The following DKK2 variants were observed in gnomAD, a reference collection of about 807,000 sequenced individuals.
The protein encoded by DKK2 is dickkopf Wnt signaling pathway inhibitor 2, also known as dickkopf-related protein 2.
Under a neutral mutation model 28.1 loss-of-function variants are expected in DKK2, and 11 were observed. The ratio of observed to expected loss-of-function variants is 0.39; its 90% CI spans 0.25 to 0.65. The LOEUF is 0.65. DKK2 is among the 30% of genes least tolerant of loss of function. DKK2 has a pLI of 0.47. For synonymous variants in DKK2, 135 were observed against 126.5 expected (o/e 1.07, Z -0.45); for missense variants, 326 against 335.5 (o/e 0.97, Z 0.22).
intron 1 of DKK2, among the ~76,000 whole-genome samples, chr4:107,007,482 T>C (rs1723454331): frequency 1.3e-5 from 2 of 152,192 alleles, no homozygotes. Flanking sequence ...TTAAAATAAA[T>C]ATATTTTGAA....
chr4:107,011,333 C>G (rs577237230), intron 1 of DKK2, among the ~76,000 whole-genome samples: 3 of 151,486 alleles, frequency 2.0e-5, no homozygotes, highest in Non-Finnish European at 3.0e-5. Context: ...TTCTGCGGAC[C>G]TAGAAAGCTC....
intron 1 of DKK2, among the ~76,000 whole-genome samples, chr4:106,973,245 T>G (rs1722895481): frequency 6.6e-6 from 1 of 152,214 alleles, no homozygotes; most frequent in African/African-American, 2.4e-5. Flanking sequence ...CCTTTGGGTA[T>G]ATACCCAGTA....
At chr4:107,034,405 T>C (rs1723929033) in intron 1 of DKK2, among the ~76,000 whole-genome samples, 1 of 151,740 alleles carries the variant, frequency 6.6e-6, no homozygotes, top group African/African-American at 2.4e-5. Flanking sequence ...GCTGTCATGA[T>C]TCCCAGTGCC....
chr4:106,935,817 C>T lies in DKK2; in HGVS notation c.223-9868G>A, dbSNP rs1430293792. On this transcript the variant is annotated intron_variant, in intron 1 of 3. Coordinates refer to ENST00000285311, the MANE Select transcript of DKK2 (RefSeq NM_014421.3). ...AAGTGGGTCTCTGAACCCTGACCCC[C>T]GAGCAGCCTAACTGGGAGGCACACC... 3.9e-5 allele frequency among the ~76,000 whole-genome samples: 6 copies of T among 152,196 alleles called. No individual in the cohort carries two copies. In the East Asian group the frequency reaches 7.7e-4, roughly 20 times the overall value.
Position 107,020,007 on chromosome 4 carries a change from T to TA in DKK2, c.222+15362dup, listed in dbSNP as rs1027859159. On this transcript the variant is annotated intron_variant, in intron 1 of 3. Coordinates refer to ENST00000285311, the MANE Select transcript of DKK2 (RefSeq NM_014421.3). ...TCTGACTCTCCCAGAAGTGGACATT[T>TA]AAAAAAAAAATTAGTGGTGAGGTTG... 2.9e-4 allele frequency among the ~76,000 whole-genome samples: 44 copies of TA among 150,636 alleles called. No homozygotes were observed. In the East Asian group the frequency reaches 3.7e-3, roughly 13 times the overall value.
At chr4:106,978,463 A>C (rs1480986375) in intron 1 of DKK2, among the ~76,000 whole-genome samples, 1 of 152,180 alleles carries the variant, frequency 6.6e-6, no homozygotes, top group Non-Finnish European at 1.5e-5. Context: ...CTAGAGAGGC[A>C]GTCTGACTAC....
Position 106,924,551 on chromosome 4 carries a change from T to C in DKK2, c.523A>G (p.Ile175Val). The part of the protein sequence containing the change: ...LGRPHTKMSH[I>V]KGHEGDPCLR... ...GAACTACAGATATCCCTACCTTTTA[T>C]ATGTGACATCTTAGTGTGTGGTCTT... Residue 175 changes from isoleucine to valine, a missense_variant, in exon 3 of 4, where the codon ATA (isoleucine) becomes GTA (valine). Ile to Val is a conservative substitution (Grantham distance 29, BLOSUM62 3). Transcript: ENST00000285311. 1 of 1,613,404 alleles carries C rather than the reference T, an allele frequency of 6.2e-7. No homozygotes were observed. The highest frequency in any genetic ancestry group is 2.2e-5 in the East Asian group (1 of 44,866).
Position 106,924,627 on chromosome 4 carries a change from A to G in DKK2, c.447T>C (p.Asp149=). The change falls in exon 3 of 4, where the codon GAT becomes GAC. Residue 149 remains aspartate (D), a synonymous_variant. Coordinates refer to ENST00000285311, the MANE Select transcript of DKK2 (RefSeq NM_014421.3). ...GGTTTGAGTAATGACCGTGGTTTCG[A>G]TCTCTGTGCCGAGTACCATCCAGAG... is the stretch of plus-strand genomic sequence containing the variant. The part of the protein sequence containing the change: ...IPALDGTRHR[D]RNHGHYSNHD... 6.2e-7 allele frequency: 1 copy of G among 1,613,928 alleles called. No individual in the cohort carries two copies. The highest frequency in any genetic ancestry group is 1.1e-5 in the South Asian group (1 of 91,086).
intron 1 of DKK2, among the ~76,000 whole-genome samples, chr4:106,988,067 T>C (rs1217691157): frequency 1.3e-5 from 2 of 152,156 alleles, no homozygotes; most frequent in Admixed American, 1.3e-4. Context: ...GGTTTCACCA[T>C]GTTAGCCAGG....
In DKK2 at chr4:106,990,561, G is replaced by A. The variant is rs990486699; in HGVS notation, c.222+44809C>T. Reference sequence around the variant, plus strand: ...TTGACTTATCAAAAATGAAAACCCTGATTTGCAGCATTTGCTCATTTCCAT... The same window carrying A: ...TTGACTTATCAAAAATGAAAACCCTAATTTGCAGCATTTGCTCATTTCCAT... On this transcript the variant is annotated intron_variant, in intron 1 of 3. Coordinates refer to ENST00000285311, the MANE Select transcript of DKK2 (RefSeq NM_014421.3). Among the ~76,000 whole-genome samples the A allele has an allele frequency of 3.3e-5, 5 of 152,148 alleles. No homozygotes were observed. In the East Asian group the frequency reaches 9.6e-4, roughly 29 times the overall value.
chr4:106,944,182 C>A (rs1324278820), intron 1 of DKK2, among the ~76,000 whole-genome samples: 4 of 152,032 alleles, frequency 2.6e-5, no homozygotes, highest in African/African-American at 7.2e-5. Flanking sequence ...ATATAGCAAC[C>A]AGTACCTAAC....
intron 1 of DKK2, among the ~76,000 whole-genome samples, chr4:106,941,045 A>C (rs1017494952): frequency 6.6e-6 from 1 of 152,142 alleles, no homozygotes; most frequent in Admixed American, 6.5e-5. Context: ...CCAGCATGGC[A>C]CATGTATACA....
chr4:106,981,962 A>T (rs907022691), intron 1 of DKK2, among the ~76,000 whole-genome samples: 7 of 152,190 alleles, frequency 4.6e-5, no homozygotes, highest in African/African-American at 1.7e-4. Flanking sequence ...TGATGCCTCA[A>T]ATATTTATGT....
intron 1 of DKK2, among the ~76,000 whole-genome samples, chr4:106,940,763 G>A (rs559757322): frequency 1.9e-4 from 29 of 152,154 alleles, no homozygotes; most frequent in African/African-American, 5.3e-4. Flanking sequence ...TATACACCAC[G>A]GAATACTATG....
intron 1 of DKK2, among the ~76,000 whole-genome samples, chr4:106,949,110 A>G (rs911838219): frequency 9.2e-5 from 14 of 152,172 alleles, no homozygotes; most frequent in Non-Finnish European, 1.2e-4. Flanking sequence ...ACATCTGCCT[A>G]CCAGATCTGT....
intron 1 of DKK2, among the ~76,000 whole-genome samples, chr4:106,983,180 T>C (rs1416554440): frequency 6.6e-6 from 1 of 151,828 alleles, no homozygotes; most frequent in Non-Finnish European, 1.5e-5. Context: ...AATATTTATG[T>C]GCTCAGTAAA....
chr4:106,961,168 C>T (rs1239915963), intron 1 of DKK2, among the ~76,000 whole-genome samples: 1 of 151,984 alleles, frequency 6.6e-6, no homozygotes, highest in South Asian at 2.1e-4. Context: ...CTAATTTTGG[C>T]TTGACAATAT....
intron 1 of DKK2, among the ~76,000 whole-genome samples, chr4:106,980,698 T>G (rs1440348938): frequency 6.6e-6 from 1 of 152,138 alleles, no homozygotes; most frequent in African/African-American, 2.4e-5. Context: ...TCTGTTTATT[T>G]GTCAACATGC....
intron 1 of DKK2, among the ~76,000 whole-genome samples, chr4:106,967,990 TAGTA>T (rs1023436577): frequency 7.4e-6 from 1 of 135,688 alleles, no homozygotes; most frequent in African/African-American, 2.8e-5. Flanking sequence ...AGTAGAAAGG[TAGTA>T]AGAGAGGAGA....
Sources: gnomAD v4.1 joint callset for allele counts (sites outside exome capture counted in the v4.1 genomes callset) on GRCh38, gnomAD v4.1.1 for gene constraint, MANE v1.5 for transcripts, NCBI Gene and HGNC (gene_info 2026-07-23, HGNC 2026-07-21) for gene names.